The following SLC7A9 variants were observed in gnomAD, a reference collection of about 807,000 sequenced individuals.
SLC7A9 encodes the protein solute carrier family 7 member 9.
In SLC7A9, 38 loss-of-function variants were observed where a neutral mutation model predicts 54.1. The ratio of observed to expected loss-of-function variants is 0.70; its 90% CI spans 0.54 to 0.92. The LOEUF (loss-of-function observed/expected upper bound fraction) is 0.92. Ranked by LOEUF, SLC7A9 falls within the 40% of genes least tolerant of loss-of-function variation. The probability of loss-of-function intolerance (pLI) is 0.00; values close to 1 mark genes in which losing one functional copy is unlikely to be tolerated. For synonymous variants in SLC7A9, 264 were observed against 258.9 expected (o/e 1.02, Z -0.19); for missense variants, 537 against 636.1 (o/e 0.84, Z 1.68).
chr19:32,835,028 G>T (rs925937009), intron 11 of SLC7A9, among the ~76,000 whole-genome samples: 1 of 152,106 alleles, frequency 6.6e-6, no homozygotes, highest in African/African-American at 2.4e-5. Flanking sequence ...GACCTCAAAT[G>T]ATCTGCCCAT....
Position 32,868,479 on chromosome 19 carries a change from T to C in SLC7A9, c.56A>G (p.Gln19Arg), listed in dbSNP as rs774812313. 1.2e-5 allele frequency: 20 copies of C among 1,614,010 alleles called. No homozygotes were observed. Among genetic ancestry groups the C allele is most frequent in the Admixed American group, 5.0e-5 (3 of 59,994 alleles). ...TTGGAGACTGGTGGTCTTAGGCTCT[T>C]GGCTCTGGATCGACTTCTCATCCTC... ...RREDEKSIQS[Q>R]EPKTTSLQKE... is the part of the protein sequence containing the mutation. The change falls in exon 2 of 13, where the codon CAA (glutamine) becomes CGA (arginine). Residue 19 changes from glutamine to arginine, a missense_variant. Coordinates refer to ENST00000023064, the MANE Select transcript of SLC7A9 (RefSeq NM_014270.5).
In SLC7A9 at chr19:32,844,857, C is replaced by CAAAAAAAAAA. The variant is rs386388892; in HGVS notation, c.978-916_978-907dup. On this transcript the variant is annotated intron_variant, in intron 9 of 12. Coordinates refer to ENST00000023064, the MANE Select transcript of SLC7A9 (RefSeq NM_014270.5). ...TGGACGACAGAGTGAGAATCCATCTCAAAAAAAAAAAAAAAAAAAAAAAAA... is the reference window on the plus strand; with the variant it reads ...TGGACGACAGAGTGAGAATCCATCTCAAAAAAAAAAAAAAAAAAAAAAAAAAAAAAAAAAA... 7.3e-4 allele frequency among the ~76,000 whole-genome samples: 22 copies of CAAAAAAAAAA among 30,316 alleles called. 5 individuals carry two copies. Among genetic ancestry groups the CAAAAAAAAAA allele is most frequent in the South Asian group, 2.7e-3 (1 of 372 alleles). The allele number at this position is 30,316 out of a possible 152,430, so 19.9% of individuals were successfully genotyped here. A position where few individuals can be genotyped will look rare whatever the true frequency, so the allele number is the denominator to read the frequency against.
chr19:32,850,051 T>C (rs1439999874), intron 9 of SLC7A9, among the ~76,000 whole-genome samples: 2 of 151,108 alleles, frequency 1.3e-5, no homozygotes, highest in East Asian at 3.9e-4. Flanking sequence ...AAGAGCTATC[T>C]ATGACACACC....
chr19:32,860,907 CAGG>C (rs1257326629), intron 6 of SLC7A9, among the ~76,000 whole-genome samples: 2 of 152,156 alleles, frequency 1.3e-5, no homozygotes, highest in African/African-American at 2.4e-5. Flanking sequence ...CAAGAATAAT[CAGG>C]AGTAGTGAGT....
chr19:32,845,306 C>T (rs2145815215), intron 9 of SLC7A9, among the ~76,000 whole-genome samples: 1 of 152,164 alleles, frequency 6.6e-6, no homozygotes, highest in African/African-American at 2.4e-5. Flanking sequence ...ACCAGCCTAA[C>T]CAACATGGGG....
chr19:32,865,567 C>CTAAT (rs910057853), intron 2 of SLC7A9, among the ~76,000 whole-genome samples: 32 of 152,330 alleles, frequency 2.1e-4, no homozygotes, highest in Admixed American at 1.9e-3. Flanking sequence ...ACAGGTGAAA[C>CTAAT]TAATCCACAG....
intron 3 of SLC7A9, 68 bp downstream of exon 3, chr19:32,864,561 C>T: frequency 6.3e-7 from 1 of 1,598,228 alleles, no homozygotes; most frequent in South Asian, 1.1e-5. Flanking sequence ...AGGGCTGGCA[C>T]AGGTAGCAGC....
Position 32,864,771 on chromosome 19 carries a change from G to A in SLC7A9, c.93C>T (p.Gly31=), listed in dbSNP as rs142185319. Reference sequence around the variant, plus strand: ...CGATGATGGAGATGCCACTGATGAGGCCCAGCTGGGTGTGGAGGAAGGAAG... The same window carrying A: ...CGATGATGGAGATGCCACTGATGAGACCCAGCTGGGTGTGGAGGAAGGAAG... ...PKTTSLQKEL[G]LISGISIIVG... The change falls in exon 3 of 13, where the codon GGC becomes GGT. Residue 31 remains glycine, a synonymous_variant. Coordinates refer to ENST00000023064, the MANE Select transcript of SLC7A9 (RefSeq NM_014270.5). 6.2e-7 allele frequency: 1 copy of A among 1,614,048 alleles called. No homozygotes were observed. The highest frequency in any genetic ancestry group is 1.3e-5 in the African/African-American group (1 of 74,948).
intron 9 of SLC7A9, among the ~76,000 whole-genome samples, chr19:32,846,029 TG>T (rs1377932695): frequency 2.0e-5 from 3 of 151,988 alleles, no homozygotes; most frequent in African/African-American, 7.2e-5. Flanking sequence ...TAAGAATTGA[TG>T]GGGGCATGGA....
At chr19:32,853,160 T>G (rs896967544) in intron 9 of SLC7A9, among the ~76,000 whole-genome samples, 1 of 152,160 alleles carries the variant, frequency 6.6e-6, no homozygotes, top group Non-Finnish European at 1.5e-5. Context: ...ATCCACCCAC[T>G]TCGGCCTTCC....
chr19:32,843,185 C>T (rs963073679), intron 10 of SLC7A9, among the ~76,000 whole-genome samples: 2 of 152,064 alleles, frequency 1.3e-5, no homozygotes, highest in Non-Finnish European at 2.9e-5. Context: ...TGGCCAGGCA[C>T]GGTGGCTCAT....
chr19:32,841,610 G>A (rs11671809), intron 11 of SLC7A9, among the ~76,000 whole-genome samples: 17,261 of 152,090 alleles, frequency 0.11, 1,100 homozygotes, highest in Middle Eastern at 0.16. Context: ...ATATGTGCGA[G>A]AGATATCAGA....
chr19:32,837,790 A>C (rs1968007811), intron 11 of SLC7A9, among the ~76,000 whole-genome samples: 1 of 152,188 alleles, frequency 6.6e-6, no homozygotes, highest in Admixed American at 6.5e-5. Flanking sequence ...ATGTAACTTG[A>C]AACTTTTATC....
intron 9 of SLC7A9, among the ~76,000 whole-genome samples, chr19:32,854,209 C>T (rs1968552241): frequency 6.6e-6 from 1 of 152,000 alleles, no homozygotes; most frequent in Non-Finnish European, 1.5e-5. Flanking sequence ...GACATGGGGT[C>T]TCACTATGTT....
intron 6 of SLC7A9, 144 bp downstream of exon 6, chr19:32,861,974 C>T (rs1278871424): frequency 1.4e-6 from 1 of 728,262 alleles, no homozygotes; most frequent in Admixed American, 1.9e-5. Context: ...TCGCATCCTT[C>T]ACAAAAAGGA....
chr19:32,868,817 A>C lies in SLC7A9; in HGVS notation c.-111-172T>G, dbSNP rs554196817. Reference sequence around the variant, plus strand: ...CTGCTTGCTTAGCTCTCTCCCAGACAGGCCCCGGGAGCCTCCTGGCCCACG... The same window carrying C: ...CTGCTTGCTTAGCTCTCTCCCAGACCGGCCCCGGGAGCCTCCTGGCCCACG... On this transcript the variant is annotated intron_variant, in intron 1 of 12. Coordinates refer to ENST00000023064, the MANE Select transcript of SLC7A9 (RefSeq NM_014270.5). Among the ~76,000 whole-genome samples the C allele has an allele frequency of 3.5e-4, 53 of 152,298 alleles. No homozygotes were observed. In the South Asian group the frequency reaches 0.01, roughly 29 times the overall value.
At chr19:32,843,259 C>G (rs1968180636) in intron 10 of SLC7A9, among the ~76,000 whole-genome samples, 1 of 152,052 alleles carries the variant, frequency 6.6e-6, no homozygotes, top group African/African-American at 2.4e-5. Flanking sequence ...GAGTTCAAGA[C>G]CAGCCTGGCC....
Position 32,855,495 on chromosome 19 carries a change from C to T in SLC7A9, c.977+2945G>A, listed in dbSNP as rs559386990. Among the ~76,000 whole-genome samples the T allele has an allele frequency of 5.3e-5, 8 of 152,216 alleles. No individual in the cohort carries two copies. The South Asian group carries it at 6.2e-4, about 12-fold the overall frequency. On this transcript the variant is annotated intron_variant, in intron 9 of 12. Transcript: ENST00000023064. ...CGGGCGGATCACGAGGTCAGGAGATCAAGACCATCCTGGCAAACACGGTGA... is the reference window on the plus strand; with the variant it reads ...CGGGCGGATCACGAGGTCAGGAGATTAAGACCATCCTGGCAAACACGGTGA...
At chr19:32,830,780 T>A in intron 12 of SLC7A9, 96 bp from the exon 13 acceptor site, 1 of 961,944 alleles carries the variant, frequency 1.0e-6, no homozygotes. Flanking sequence ...GTTTTCAGTC[T>A]TTGGTGATGC....
Sources: gnomAD v4.1 joint callset for allele counts (sites outside exome capture counted in the v4.1 genomes callset) on GRCh38, gnomAD v4.1.1 for gene constraint, MANE v1.5 for transcripts, NCBI Gene and HGNC (gene_info 2026-07-23, HGNC 2026-07-21) for gene names.